The following FYB2 variants were observed in gnomAD, a reference collection of about 807,000 sequenced individuals.
The protein encoded by FYB2 is FYN binding protein 2, also known as FYN-binding protein 2.
A neutral mutation model predicts 94.1 loss-of-function variants in FYB2; 103 were observed. The ratio of observed to expected loss-of-function variants is 1.09; its 90% CI spans 0.93 to 1.29. The LOEUF is 1.29. Ranked by LOEUF, FYB2 falls within the 50% of genes most tolerant of loss-of-function variation. The pLI is 0.00. For missense variants in FYB2, 896 were observed against 841.5 expected (o/e 1.06, Z -0.80); for synonymous variants, 293 against 287.9 (o/e 1.02, Z -0.18).
upstream of FYB2, among the ~76,000 whole-genome samples, chr1:56,821,945 C>G (rs1209661949): frequency 6.6e-6 from 1 of 152,150 alleles, no homozygotes; most frequent in African/African-American, 2.4e-5. Flanking sequence ...ATCACTACAC[C>G]TTATGAATAA....
intron 4 of FYB2, among the ~76,000 whole-genome samples, chr1:56,785,822 G>C (rs1434892319): frequency 1.3e-5 from 2 of 152,132 alleles, no homozygotes; most frequent in African/African-American, 4.8e-5. Context: ...CCTCTTCGGG[G>C]ATAGGTTGAC....
At chr1:56,749,933 T>G (rs1425754068) in intron 9 of FYB2, among the ~76,000 whole-genome samples, 1 of 152,092 alleles carries the variant, frequency 6.6e-6, no homozygotes, top group Non-Finnish European at 1.5e-5. Context: ...AAAAAATTTA[T>G]TCTTCACTTT....
At chr1:56,766,680 G>A (rs1284131029) in intron 5 of FYB2, among the ~76,000 whole-genome samples, 1 of 152,048 alleles carries the variant, frequency 6.6e-6, no homozygotes, top group Non-Finnish European at 1.5e-5. Flanking sequence ...ATCGTGATCC[G>A]CCCATCTCGG....
At chr1:56,761,214 C>A (rs974814603) in intron 5 of FYB2, among the ~76,000 whole-genome samples, 2 of 152,134 alleles carry the variant, frequency 1.3e-5, no homozygotes, top group Non-Finnish European at 2.9e-5. Context: ...TTATTACTAA[C>A]ATAATAAAAA....
At chr1:56,755,816 G>C in intron 7 of FYB2, 80 bp downstream of exon 7, 1 of 1,352,006 alleles carries the variant, frequency 7.4e-7, no homozygotes, top group Non-Finnish European at 1.1e-6. Context: ...AAACATAGCT[G>C]GCCCATAGAG....
At chr1:56,820,226 C>CAAAAA (rs112651204), upstream of FYB2, among the ~76,000 whole-genome samples, 1 of 122,718 alleles carries the variant, frequency 8.1e-6, no homozygotes, top group Non-Finnish European at 1.7e-5. Flanking sequence ...GACTCCGTCT[C>CAAAAA]AAAAAAAAAA....
At position 56,742,264 on chromosome 1, in the gene FYB2, A is replaced by AATAGT. The variant is rs547121297; in HGVS notation, c.1544-48_1544-44dup. ...CCCTACTTATATTCATTATAATAGC[A>AATAGT]ATAGTTCAGATTCATATTTAACAAA... On this transcript the variant is annotated intron_variant, in intron 11 of 19. Coordinates refer to ENST00000343433, the MANE Select transcript of FYB2 (RefSeq NM_001004303.5). The AATAGT allele has an allele frequency of 7.3e-5, 103 of 1,414,862 alleles. 2 individuals carry two copies. In the South Asian group the frequency reaches 1.2e-3, roughly 17 times the overall value. The allele number at this position is 1,414,862 out of a possible 1,614,324, so 87.6% of individuals were successfully genotyped here.
chr1:56,795,145 A>C (rs1164846920), intron 1 of FYB2, among the ~76,000 whole-genome samples: 2 of 151,722 alleles, frequency 1.3e-5, no homozygotes, highest in Non-Finnish European at 2.9e-5. Flanking sequence ...ATATCCATTA[A>C]ATAAGTCCAT....
upstream of FYB2, chr1:56,824,420 T>C (rs188763212): frequency 1.3e-5 from 2 of 152,292 alleles, no homozygotes; most frequent in Admixed American, 1.3e-4. Context: ...CAACATAAAT[T>C]TTGGAGGAGA....
rs1646054511 is a variant in FYB2, at chr1:56,783,449, T to C, written c.953+3726A>G. ...GGTTAAGATGATTAAAATATGTATA[T>C]ATAGAAATACAGCTAGAACACAAAG... On this transcript the variant is annotated intron_variant, in intron 4 of 19. Coordinates refer to ENST00000343433, the MANE Select transcript of FYB2 (RefSeq NM_001004303.5). 2.0e-5 allele frequency among the ~76,000 whole-genome samples: 3 copies of C among 152,282 alleles called. No homozygotes were observed. In the South Asian group the frequency reaches 6.2e-4, roughly 32 times the overall value.
At chr1:56,820,518 CT>C (rs759250790), upstream of FYB2, among the ~76,000 whole-genome samples, 41 of 152,318 alleles carry the variant, frequency 2.7e-4, no homozygotes, top group Admixed American at 1.2e-3. Context: ...ACTTTTCTTG[CT>C]TTGTCAAGTT....
intron 17 of FYB2, among the ~76,000 whole-genome samples, chr1:56,722,480 T>C (rs1196905679): frequency 1.3e-5 from 2 of 152,064 alleles, no homozygotes; most frequent in Non-Finnish European, 2.9e-5. Context: ...AAGAGTAATT[T>C]ATTTAATTAG....
intron 15 of FYB2, among the ~76,000 whole-genome samples, chr1:56,726,854 C>T (rs749092483): frequency 6.6e-6 from 1 of 151,954 alleles, no homozygotes; most frequent in Non-Finnish European, 1.5e-5. Context: ...GTTTGCTGAC[C>T]CCTGATGTGT....
At chr1:56,741,722 A>T (rs1369406356) in intron 12 of FYB2, among the ~76,000 whole-genome samples, 1 of 152,082 alleles carries the variant, frequency 6.6e-6, no homozygotes, top group African/African-American at 2.4e-5. Flanking sequence ...TACATGTTAT[A>T]TTAAGCCCAA....
chr1:56,777,627 T>C (rs1645912548), intron 4 of FYB2, among the ~76,000 whole-genome samples: 1 of 152,120 alleles, frequency 6.6e-6, no homozygotes, highest in Non-Finnish European at 1.5e-5. Context: ...CAACATTTAT[T>C]GAACAACTAT....
At chr1:56,760,872 C>T (rs1293126873) in intron 5 of FYB2, among the ~76,000 whole-genome samples, 1 of 152,100 alleles carries the variant, frequency 6.6e-6, no homozygotes, top group African/African-American at 2.4e-5. Context: ...GGTAGGAATT[C>T]CAACATATAT....
chr1:56,810,831 T>C (rs1031226479), intron 1 of FYB2, among the ~76,000 whole-genome samples: 2 of 152,210 alleles, frequency 1.3e-5, no homozygotes, highest in Non-Finnish European at 2.9e-5. Context: ...TGTCAGGTGA[T>C]GTTGTCATTT....
intron 8 of FYB2, 27 bp from the exon 9 acceptor site, chr1:56,751,230 T>C: frequency 1.9e-6 from 3 of 1,606,170 alleles, no homozygotes; most frequent in Non-Finnish European, 2.6e-6. Context: ...GGGAGAATAC[T>C]GTAGGGCTGT....
chr1:56,808,818 G>A (rs1021298118), intron 1 of FYB2, among the ~76,000 whole-genome samples: 1 of 152,170 alleles, frequency 6.6e-6, no homozygotes, highest in Non-Finnish European at 1.5e-5. Flanking sequence ...GGATATGCTG[G>A]TTTACAGCAG....
Sources: allele counts gnomAD v4.1 joint callset (sites outside exome capture counted in the v4.1 genomes callset), GRCh38; gene constraint gnomAD v4.1.1; transcripts MANE v1.5; gene names NCBI Gene and HGNC (gene_info 2026-07-23, HGNC 2026-07-21).